The following CSMD1 variants were observed in gnomAD, a reference collection of about 807,000 sequenced individuals.
The protein encoded by CSMD1 is CUB and Sushi multiple domains 1, also known as CUB and sushi domain-containing protein 1.
In CSMD1, 213 loss-of-function variants were observed where a neutral mutation model predicts 417.5. That is an observed-to-expected ratio of 0.51 (90% CI 0.46 to 0.57). The LOEUF (loss-of-function observed/expected upper bound fraction) is 0.57, where lower values mean the gene tolerates loss of function less well. Among genes scored for constraint, CSMD1 ranks in the 20% least tolerant of loss-of-function variants. The probability of loss-of-function intolerance (pLI) is 0.00; values close to 1 mark genes in which losing one functional copy is unlikely to be tolerated. For synonymous variants in CSMD1, 2,862 were observed against 1,736.8 expected (o/e 1.65, Z -16.11); for missense variants, 6,923 against 4,529.7 (o/e 1.53, Z -15.17).
chr8:4,136,878 G>T (rs141022087), intron 3 of CSMD1, among the ~76,000 whole-genome samples: 2 of 152,114 alleles, frequency 1.3e-5, no homozygotes, highest in Non-Finnish European at 2.9e-5. Flanking sequence ...GAATTTCAGA[G>T]AACAGAAACT....
At position 4,151,854 on chromosome 8, in the gene CSMD1, T is replaced by A. The variant is rs2552171; in HGVS notation, c.416-119755A>T. 2.0e-5 allele frequency among the ~76,000 whole-genome samples: 3 copies of A among 152,084 alleles called. No homozygotes were observed. In the South Asian group the frequency reaches 6.2e-4, roughly 32 times the overall value. On this transcript the variant is annotated intron_variant, in intron 3 of 69. Coordinates refer to ENST00000635120, the MANE Select transcript of CSMD1 (RefSeq NM_033225.6). The stretch of plus-strand genomic sequence containing the variant: ...ATAGCATGAATCAATTATATTTCCA[T>A]GTACCTTTTCTATTGCAGGCACACA...
intron 42 of CSMD1, among the ~76,000 whole-genome samples, chr8:3,113,739 G>T (rs1816680626): frequency 6.6e-6 from 1 of 152,192 alleles, no homozygotes; most frequent in Non-Finnish European, 1.5e-5. Context: ...ACTGACTCCT[G>T]CTCAGGTGTG....
At chr8:3,778,507 T>C (rs1426046094) in intron 5 of CSMD1, among the ~76,000 whole-genome samples, 1 of 152,216 alleles carries the variant, frequency 6.6e-6, no homozygotes, top group Non-Finnish European at 1.5e-5. Context: ...CCCCCATCCC[T>C]ACCTTCTACA....
chr8:3,013,635 C>T (rs1344212667), intron 52 of CSMD1, among the ~76,000 whole-genome samples: 2 of 151,886 alleles, frequency 1.3e-5, no homozygotes, highest in Admixed American at 6.6e-5. Flanking sequence ...GCCTGTAATC[C>T]CAGCTACTCA....
intron 3 of CSMD1, among the ~76,000 whole-genome samples, chr8:4,110,979 C>G (rs768419608): frequency 3.3e-5 from 5 of 152,102 alleles, no homozygotes; most frequent in Non-Finnish European, 5.9e-5. Context: ...AAAATGCAAT[C>G]TGAGCTGGAA....
intron 1 of CSMD1, among the ~76,000 whole-genome samples, chr8:4,968,655 G>A (rs551855453): frequency 5.4e-4 from 82 of 152,110 alleles, no homozygotes; most frequent in Non-Finnish European, 1.1e-3. Context: ...TCAACAGCTA[G>A]TGTGGTTCAA....
At chr8:3,428,189 G>T (rs142201722) in intron 12 of CSMD1, among the ~76,000 whole-genome samples, 21 of 152,086 alleles carry the variant, frequency 1.4e-4, no homozygotes, top group African/African-American at 4.8e-4. Context: ...GGACCTAAAA[G>T]TGATATGTGA....
At chr8:4,829,561 G>A (rs1481607086) in intron 1 of CSMD1, among the ~76,000 whole-genome samples, 2 of 151,964 alleles carry the variant, frequency 1.3e-5, no homozygotes, top group South Asian at 2.1e-4. Context: ...GGGCAACATG[G>A]CAACCTCATC....
At chr8:4,121,378 G>A (rs1407160731) in intron 3 of CSMD1, among the ~76,000 whole-genome samples, 2 of 152,090 alleles carry the variant, frequency 1.3e-5, no homozygotes, top group South Asian at 2.1e-4. Flanking sequence ...GCCTCCCAAA[G>A]GGCTGGGATT....
intron 1 of CSMD1, among the ~76,000 whole-genome samples, chr8:4,833,643 G>A (rs925113155): frequency 1.3e-5 from 2 of 152,182 alleles, no homozygotes; most frequent in African/African-American, 4.8e-5. Flanking sequence ...CTCTGCAACA[G>A]AGTAGACAAC....
chr8:3,845,657 T>G (rs1803456813), intron 5 of CSMD1, among the ~76,000 whole-genome samples: 1 of 152,174 alleles, frequency 6.6e-6, no homozygotes, highest in Non-Finnish European at 1.5e-5. Context: ...AACATTTTTT[T>G]GTCTTCAATA....
chr8:3,185,768 T>A (rs1316998491), intron 36 of CSMD1, among the ~76,000 whole-genome samples: 1 of 152,208 alleles, frequency 6.6e-6, no homozygotes, highest in Non-Finnish European at 1.5e-5. Context: ...ATTCATAAAC[T>A]GTGAGGTAGG....
chr8:3,848,944 T>A (rs1021290255), intron 5 of CSMD1, among the ~76,000 whole-genome samples: 3 of 150,964 alleles, frequency 2.0e-5, no homozygotes, highest in Non-Finnish European at 4.4e-5. Flanking sequence ...ATATGATATA[T>A]ATATGTATAT....
At chr8:3,949,940 A>G (rs1811494460) in intron 5 of CSMD1, 2 of 455,940 alleles carry the variant, frequency 4.4e-6, no homozygotes, top group Non-Finnish European at 8.8e-6. Flanking sequence ...GAAAACACAC[A>G]TGGAGAGGTT....
chr8:4,429,457 G>C (rs531069868), intron 2 of CSMD1, among the ~76,000 whole-genome samples: 176 of 152,100 alleles, frequency 1.2e-3, no homozygotes, highest in Non-Finnish European at 1.9e-3. Context: ...GCTCAGTTTG[G>C]TTCTTTGGCA....
intron 2 of CSMD1, among the ~76,000 whole-genome samples, chr8:4,427,488 TACACACAC>T (rs3056569): frequency 1.9e-4 from 29 of 149,750 alleles, no homozygotes; most frequent in African/African-American, 2.7e-4. Context: ...CTTAATCAAA[TACACACAC>T]ACACACACAC....
chr8:4,362,673 A>G (rs17070080), intron 3 of CSMD1, among the ~76,000 whole-genome samples: 36,997 of 152,118 alleles, frequency 0.24, 4,773 homozygotes, highest in African/African-American at 0.31. Context: ...ACAGTGAAAT[A>G]AAAGAAATTA....
intron 1 of CSMD1, among the ~76,000 whole-genome samples, chr8:4,837,288 T>A (rs115865470): frequency 1.3e-5 from 2 of 152,164 alleles, no homozygotes; most frequent in Non-Finnish European, 2.9e-5. Context: ...CAAGAGATAA[T>A]CTGCACTTCT....
chr8:3,839,419 T>TTA (rs1365048143), intron 5 of CSMD1, among the ~76,000 whole-genome samples: 148 of 120,256 alleles, frequency 1.2e-3, no homozygotes, highest in African/African-American at 4.5e-3. Context: ...AAAAAATAAA[T>TTA]ATATATAATA....
Sources: allele counts gnomAD v4.1 joint callset (sites outside exome capture counted in the v4.1 genomes callset), GRCh38; gene constraint gnomAD v4.1.1; transcripts MANE v1.5; gene names NCBI Gene and HGNC (gene_info 2026-07-23, HGNC 2026-07-21).